The following NBAS variants were observed in gnomAD, a reference collection of about 807,000 sequenced individuals.
NBAS encodes NAG/BC035112 fusion.
NBAS carries 219 observed loss-of-function variants against 302.5 expected under a neutral mutation model. That is an observed-to-expected ratio of 0.72 (90% confidence interval 0.65 to 0.81). NBAS has a LOEUF of 0.81. Ranked by LOEUF, NBAS falls within the 30% of genes least tolerant of loss-of-function variation. The pLI, the probability that NBAS is intolerant of heterozygous loss-of-function variation, is 0.00. For missense variants in NBAS, 2,932 were observed against 2,841.6 expected, an observed-to-expected ratio of 1.03 and a Z score of -0.72; for synonymous variants, 1,118 against 1,021.6, an observed-to-expected ratio of 1.09 and a Z score of -1.80.
At chr2:14,952,583 C>T in the NBAS span, among the ~76,000 whole-genome samples, 1 of 152,288 alleles carries the variant, frequency 6.6e-6, no homozygotes, top group East Asian at 1.9e-4. Context: ...GAGGAGGGCA[C>T]GTTCATTCGG....
At chr2:14,881,884 A>C in the NBAS span, among the ~76,000 whole-genome samples, 1 of 152,320 alleles carries the variant, frequency 6.6e-6, no homozygotes, top group East Asian at 1.9e-4. Flanking sequence ...TAACCAAATA[A>C]GAGAATTACT....
the NBAS span, among the ~76,000 whole-genome samples, chr2:14,992,267 T>G: frequency 2.0e-5 from 3 of 152,180 alleles, no homozygotes; most frequent in Non-Finnish European, 4.4e-5. Flanking sequence ...AAACTCTTAA[T>G]TGTAGCTAAA....
chr2:15,320,754 C>T (rs770960214), intron 38 of NBAS, among the ~76,000 whole-genome samples: 2 of 151,980 alleles, frequency 1.3e-5, no homozygotes, highest in Non-Finnish European at 2.9e-5. Context: ...AAAGAGGATA[C>T]AAATGGAAGA....
At chr2:14,901,454 G>T in the NBAS span, among the ~76,000 whole-genome samples, 1 of 151,614 alleles carries the variant, frequency 6.6e-6, no homozygotes, top group Admixed American at 6.6e-5. Flanking sequence ...AAAAAAAATC[G>T]GAAGGGTAAT....
chr2:14,979,405 G>GT, the NBAS span, among the ~76,000 whole-genome samples: 1 of 152,104 alleles, frequency 6.6e-6, no homozygotes, highest in African/African-American at 2.4e-5. Flanking sequence ...TTTAGTAATG[G>GT]TAAAAACAAC....
At chr2:15,041,778 T>A in the NBAS span, among the ~76,000 whole-genome samples, 2 of 152,338 alleles carry the variant, frequency 1.3e-5, no homozygotes, top group East Asian at 1.9e-4. Context: ...CTCTGCACCA[T>A]CTGCACTGTG....
At chr2:15,002,739 C>T in the NBAS span, among the ~76,000 whole-genome samples, 2 of 152,340 alleles carry the variant, frequency 1.3e-5, no homozygotes, top group East Asian at 3.9e-4. Context: ...GCTGGCACTG[C>T]TGGGGGACCC....
intron 50 of NBAS, among the ~76,000 whole-genome samples, chr2:15,182,614 CA>C (rs1664880632): frequency 6.6e-6 from 1 of 152,222 alleles, no homozygotes; most frequent in Non-Finnish European, 1.5e-5. Context: ...GGGTCAGTCA[CA>C]AATAGCGGGA....
At chr2:14,997,062 T>A in the NBAS span, among the ~76,000 whole-genome samples, 86 of 151,390 alleles carry the variant, frequency 5.7e-4, 1 homozygote, top group East Asian at 0.011. Context: ...AAAAAAAAAA[T>A]GTGGTGCCAA....
Position 15,324,275 on chromosome 2 carries a change from T to C in NBAS, c.4582+3475A>G, listed in dbSNP as rs79020603. Among the ~76,000 whole-genome samples the C allele has an allele frequency of 6.6e-5, 10 of 152,318 alleles. No individual in the cohort carries two copies. The East Asian group carries it at 1.9e-3, about 29-fold the overall frequency. Reference sequence around the variant, plus strand: ...GAGGGTTCCTTCAAAATGTTTAAATTCACTCACAAAGCCTTGCATTTCTTC... The same window carrying C: ...GAGGGTTCCTTCAAAATGTTTAAATCCACTCACAAAGCCTTGCATTTCTTC... On this transcript the variant is annotated intron_variant, in intron 38 of 51. Coordinates refer to ENST00000281513, the MANE Select transcript of NBAS (RefSeq NM_015909.4).
At chr2:15,104,724 C>T in the NBAS span, among the ~76,000 whole-genome samples, 1 of 152,092 alleles carries the variant, frequency 6.6e-6, no homozygotes, top group Non-Finnish European at 1.5e-5. Context: ...TGTTTCCTGA[C>T]TTTTTAATGA....
At position 15,183,048 on chromosome 2, in the gene NBAS, GA is replaced by G. The variant is rs886380065; in HGVS notation, c.6711+3693del. 1.5e-3 allele frequency among the ~76,000 whole-genome samples: 222 copies of G among 148,864 alleles called. 2 individuals are homozygous for G. Among genetic ancestry groups the G allele is most frequent in the Admixed American group, 3.5e-3 (52 of 15,008 alleles). On this transcript the variant is annotated intron_variant, in intron 50 of 51. Transcript: ENST00000281513. ...CGACAACCAAAGGTATTGAATTTAG[GA>G]AAAAAAAAATCATAAGTAACAGATA...
intron 51 of NBAS, among the ~76,000 whole-genome samples, chr2:15,168,899 G>A (rs1170691648): frequency 3.9e-5 from 6 of 152,196 alleles, no homozygotes; most frequent in Non-Finnish European, 7.3e-5. Flanking sequence ...AAAGGGCTGG[G>A]ATTACAGGCG....
chr2:15,557,319 G>T (rs1664693012), intron 2 of NBAS, among the ~76,000 whole-genome samples: 1 of 152,086 alleles, frequency 6.6e-6, no homozygotes, highest in Non-Finnish European at 1.5e-5. Flanking sequence ...ACATGTATGT[G>T]TGTACCTGTG....
At chr2:15,327,616 T>C in intron 38 of NBAS, 134 bp downstream of exon 38, 1 of 1,039,588 alleles carries the variant, frequency 9.6e-7, no homozygotes, top group Non-Finnish European at 1.4e-6. Flanking sequence ...AATGAACGAA[T>C]GATGATGTCA....
chr2:15,091,293 A>AGTTGGCCCTCGAACAACACG, the NBAS span, among the ~76,000 whole-genome samples: 1 of 151,910 alleles, frequency 6.6e-6, no homozygotes, highest in Non-Finnish European at 1.5e-5. Flanking sequence ...CACTTCATAC[A>AGTTGGCCCTCGAACAACACG]GTTTGAACTG....
the NBAS span, among the ~76,000 whole-genome samples, chr2:14,962,065 A>G: frequency 1.3e-5 from 2 of 152,164 alleles, no homozygotes; most frequent in Admixed American, 1.3e-4. Flanking sequence ...TGAGCCACTG[A>G]GCCCAGCTCT....
At chr2:14,793,198 A>G in the NBAS span, among the ~76,000 whole-genome samples, 1 of 152,128 alleles carries the variant, frequency 6.6e-6, no homozygotes, top group African/African-American at 2.4e-5. Flanking sequence ...TGAACTTCTC[A>G]GCCTCCAGAA....
chr2:15,114,869 A>G, the NBAS span, among the ~76,000 whole-genome samples: 5 of 152,242 alleles, frequency 3.3e-5, no homozygotes, highest in African/African-American at 9.6e-5. Flanking sequence ...GAAGATAAAC[A>G]TATTATGATA....
Sources: gnomAD v4.1 joint callset for allele counts (sites outside exome capture counted in the v4.1 genomes callset) on GRCh38, gnomAD v4.1.1 for gene constraint, MANE v1.5 for transcripts, NCBI Gene and HGNC (gene_info 2026-07-23, HGNC 2026-07-21) for gene names.